The following RNH1 variants were observed in gnomAD, a reference collection of about 807,000 sequenced individuals.
RNH1 encodes the protein ribonuclease inhibitor.
A neutral mutation model predicts 46.1 loss-of-function variants in RNH1; 38 were observed. The ratio of observed to expected loss-of-function variants is 0.82; its 90% CI spans 0.64 to 1.08. RNH1 has a LOEUF of 1.08. Among genes scored for constraint, RNH1 ranks in the 50% least tolerant of loss-of-function variants. RNH1 has a pLI of 0.00. For missense variants in RNH1, 577 were observed against 590.7 expected, an observed-to-expected ratio of 0.98 and a Z score of 0.24; for synonymous variants, 319 against 279.1, an observed-to-expected ratio of 1.14 and a Z score of -1.43.
At chr11:500,681 G>T (rs753091133) in intron 3 of RNH1, 27 bp from the exon 4 acceptor site, 2 of 1,600,144 alleles carry the variant, frequency 1.2e-6, no homozygotes, top group East Asian at 4.5e-5. Context: ...GGGTCATGTG[G>T]ACCACGCAGA....
At position 494,960 on chromosome 11, in the gene RNH1, G is replaced by C. The variant is rs552890224; in HGVS notation, c.1221C>G (p.Asn407Lys). 6.2e-7 allele frequency: 1 copy of C among 1,607,230 alleles called. No homozygotes were observed. Among genetic ancestry groups the C allele is most frequent in the East Asian group, 2.2e-5 (1 of 44,658 alleles). Residue 407 changes from asparagine (N) to lysine (K), a missense_variant, in exon 10 of 11, where the codon AAC becomes AAG. By Grantham distance (94) the Asn-to-Lys change is moderately conservative. Transcript: ENST00000354420. ...GGATGCCGGCGTCCCCCAGGCAGTT[G>C]TTGCTGAGGTCCAGCTCACGCAGGC... ...NHSLRELDLS[N>K]NCLGDAGILQ... is the part of the protein sequence containing the mutation.
intron 9 of RNH1, 106 bp from the exon 10 acceptor site, chr11:495,159 A>G: frequency 8.5e-7 from 1 of 1,177,986 alleles, no homozygotes; most frequent in Non-Finnish European, 1.2e-6. Context: ...TGTGCTCGGC[A>G]ACTCAGGACC....
chr11:495,805 G>C (rs763369139), intron 9 of RNH1, among the ~76,000 whole-genome samples: 1 of 152,148 alleles, frequency 6.6e-6, no homozygotes, highest in Non-Finnish European at 1.5e-5. Context: ...GCCATGACTC[G>C]GCCTGCAGGG....
At position 500,509 on chromosome 11, in the gene RNH1, G is replaced by T; in HGVS notation, c.247C>A (p.Pro83Thr). 1 of 1,608,652 alleles carries T rather than the reference G, an allele frequency of 6.2e-7. No homozygotes were observed. The change falls in exon 4 of 11, where the codon CCC (proline) becomes ACC (threonine). Residue 83 changes from proline to threonine, a missense_variant. Pro to Thr is a conservative substitution (Grantham distance 38, BLOSUM62 -1). Transcript: ENST00000354420. The part of the protein sequence containing the change: ...VHCVLQGLQT[P>T]SCKIQKLSLQ... ...CTCAGCTTCTGGATCTTGCAGGAGG[G>T]GGTCTGCAGGCCCTGGAGCACGCAA... is the stretch of plus-strand genomic sequence containing the variant.
At chr11:498,969 C>T (rs372188374) in intron 6 of RNH1, 36 bp from the exon 7 acceptor site, 752 of 1,609,930 alleles carry the variant, frequency 4.7e-4, no homozygotes, top group Non-Finnish European at 6.0e-4. Context: ...CAGCACGGGA[C>T]CCCCCCTAGC....
rs1849809809 is a variant in RNH1, at chr11:502,203, G to A, written c.-41C>T. The A allele has an allele frequency of 6.6e-7, 1 of 1,509,768 alleles. No homozygotes were observed. Among genetic ancestry groups the A allele is most frequent in the Non-Finnish European group, 9.1e-7 (1 of 1,098,316 alleles). The allele number at this position is 1,509,768 out of a possible 1,614,324, so 93.5% of individuals were successfully genotyped here. A position where few individuals can be genotyped will look rare whatever the true frequency, so the allele number is the denominator to read the frequency against. ...TGGCCTGGGTGGGAGGCAGAGGGAA[G>A]AGGACGTCTTGGCCGAATCCCCTCA... On this transcript the variant is annotated 5_prime_UTR_variant, in exon 3 of 11. Transcript: ENST00000354420. The surrounding 1 kb of genome is among the most constrained non-coding windows in gnomAD (Gnocchi z 5.8).
chr11:502,364 T>TGGGGCAG lies in RNH1; in HGVS notation c.-87-122_-87-116dup, dbSNP rs909108396. 7 of 607,244 alleles carry TGGGGCAG rather than the reference T, an allele frequency of 1.2e-5. No individual in the cohort carries two copies. Among genetic ancestry groups the TGGGGCAG allele is most frequent in the South Asian group, 1.9e-5 (1 of 52,840 alleles). The allele number at this position is 607,244 out of a possible 1,614,324, so 37.6% of individuals were successfully genotyped here. A position where few individuals can be genotyped will look rare whatever the true frequency, so the allele number is the denominator to read the frequency against. On this transcript the variant is annotated intron_variant, in intron 2 of 10. Transcript: ENST00000354420. The surrounding 1 kb of genome is among the most constrained non-coding windows in gnomAD (Gnocchi z 5.8). The stretch of plus-strand genomic sequence containing the variant: ...TTGTCTCTGGAGCAGACATCAGGGG[T>TGGGGCAG]GGGGCAGGGGGCAGGGACCAGCACC...
In RNH1 at chr11:500,358, G is replaced by A. The variant is rs943983097; in HGVS notation, c.272+126C>T. The A allele has an allele frequency of 1.4e-5, 16 of 1,154,626 alleles. No homozygotes were observed. In the African/African-American group the frequency reaches 2.4e-4, roughly 18 times the overall value. 71.5% of individuals were successfully genotyped at this position (1,154,626 alleles called of 1,614,324 possible). On this transcript the variant is annotated intron_variant, in intron 4 of 10. Coordinates refer to ENST00000354420, the MANE Select transcript of RNH1 (RefSeq NM_203387.3). ...GCCTGTGTGCCTCTGGCTGATGTTG[G>A]AAATGTCTGCTGCCACTGCCTGTCC...
intron 9 of RNH1, among the ~76,000 whole-genome samples, chr11:497,125 A>C (rs942353901): frequency 1.4e-5 from 2 of 139,744 alleles, no homozygotes; most frequent in Admixed American, 1.5e-4. Context: ...TCACTCGCCC[A>C]TGTGCTCACA....
At chr11:495,898 G>T (rs945430841) in intron 9 of RNH1, among the ~76,000 whole-genome samples, 1 of 152,178 alleles carries the variant, frequency 6.6e-6, no homozygotes, top group African/African-American at 2.4e-5. Context: ...AGCCCCTGGC[G>T]AGAGGCACAC....
rs1849337162 is a variant in RNH1 at position 498,037 on chromosome 11, T to G, written c.1061A>C (p.Glu354Ala). ...GCACAGCTCCCGCACGCCCGCATCC[T>G]CCAGCCTGTTGTTGCTTATCTGTAG... ...LELQISNNRLEDAGVRELCQG... is the reference protein window; with the variant it reads ...LELQISNNRLADAGVRELCQG... The change falls in exon 9 of 11, where the codon GAG (glutamate) becomes GCG (alanine). Residue 354 changes from glutamate (E) to alanine (A), a missense_variant. Glu to Ala is a moderately radical substitution (Grantham distance 107, BLOSUM62 -1). Coordinates refer to ENST00000354420, the MANE Select transcript of RNH1 (RefSeq NM_203387.3). 2 of 1,614,062 alleles carry G rather than the reference T, an allele frequency of 1.2e-6. No individual in the cohort carries two copies. The highest frequency in any genetic ancestry group is 1.7e-6 in the Non-Finnish European group (2 of 1,180,020).
Position 501,759 on chromosome 11 carries a change from G to A in RNH1, c.101+303C>T, listed in dbSNP as rs1849769029. On this transcript the variant is annotated intron_variant, in intron 3 of 10. Transcript: ENST00000354420. The surrounding 1 kb of genome is among the most constrained non-coding windows in gnomAD (Gnocchi z 4.1). Reference sequence around the variant, plus strand: ...ACGGAGGGGACCCAAGCTGTGTCCTGCCCTCGTGTCTCCAAGGGAGGGAGA... The same window carrying A: ...ACGGAGGGGACCCAAGCTGTGTCCTACCCTCGTGTCTCCAAGGGAGGGAGA... 4.6e-6 allele frequency: 2 copies of A among 431,580 alleles called. No individual in the cohort carries two copies. Among genetic ancestry groups the A allele is most frequent in the Admixed American group, 3.6e-5 (1 of 27,398 alleles). The allele number at this position is 431,580 out of a possible 1,614,324, so 26.7% of individuals were successfully genotyped here.
chr11:500,227 T>C (rs925277345), intron 4 of RNH1: 34 of 661,506 alleles, frequency 5.1e-5, no homozygotes, highest in Non-Finnish European at 8.4e-5. Flanking sequence ...AGTGGGGGTC[T>C]GTGGTGATGC....
chr11:498,329 C>A, intron 8 of RNH1, 128 bp downstream of exon 8: 1 of 1,346,814 alleles, frequency 7.4e-7, no homozygotes, highest in Non-Finnish European at 1.0e-6. Flanking sequence ...TGCTCCCTGG[C>A]CTATGCATTC....
chr11:494,872 C>T lies in RNH1; in HGVS notation c.1298+11G>A, dbSNP rs1315422489. 5 of 1,611,824 alleles carry T rather than the reference C, an allele frequency of 3.1e-6. No individual in the cohort carries two copies. The highest frequency in any genetic ancestry group is 1.1e-5 in the South Asian group (1 of 90,954). On this transcript the variant is annotated intron_variant, in intron 10 of 10. Transcript: ENST00000354420. ...CCCTGGCCGCACCACCCGCCCAGCG[C>T]GTGCACATACACCAGCTGCTCCAGG... is the stretch of plus-strand genomic sequence containing the variant.
rs1306915691 is a variant in RNH1 at position 504,974 on chromosome 11, T to G, written c.-238A>C. 1 of 152,202 alleles carries G rather than the reference T, an allele frequency of 6.6e-6. No individual in the cohort carries two copies. The highest frequency in any genetic ancestry group is 1.5e-5 in the Non-Finnish European group (1 of 68,032). 9.4% of individuals were successfully genotyped at this position (152,202 alleles called of 1,614,324 possible). On this transcript the variant is annotated 5_prime_UTR_variant, in exon 2 of 11. Transcript: ENST00000354420. Reference sequence around the variant, plus strand: ...AAACTTTGGACACACCCTCCGTTTCTGTCAGTCAAGAGTTCTTCATGCCTG... The same window carrying G: ...AAACTTTGGACACACCCTCCGTTTCGGTCAGTCAAGAGTTCTTCATGCCTG...
At chr11:497,665 A>T (rs1054536121) in intron 9 of RNH1, among the ~76,000 whole-genome samples, 8 of 139,820 alleles carry the variant, frequency 5.7e-5, no homozygotes, top group Admixed American at 3.6e-4. Context: ...CCATGTGCTC[A>T]CACACACGTG....
chr11:504,062 C>T (rs1441386759), intron 2 of RNH1, among the ~76,000 whole-genome samples: 5 of 152,236 alleles, frequency 3.3e-5, no homozygotes, highest in Non-Finnish European at 7.3e-5. Context: ...CCCTAACGGT[C>T]CCTTATCCGG....
At chr11:499,658 G>A (rs1849555847) in intron 5 of RNH1, 171 bp downstream of exon 5, 5 of 787,618 alleles carry the variant, frequency 6.3e-6, no homozygotes, top group Non-Finnish European at 1.1e-5. Context: ...ATGGGGAGAG[G>A]AGAGCACCAC....
Sources: gnomAD v4.1 joint callset for allele counts (sites outside exome capture counted in the v4.1 genomes callset) on GRCh38, gnomAD v4.1.1 for gene constraint, Gnocchi (gnomAD v3.1) non-coding constraint, MANE v1.5 for transcripts, NCBI Gene and HGNC (gene_info 2026-07-23, HGNC 2026-07-21) for gene names.